Variants in CNTNAP2 observed in about 807,000 individuals in gnomAD.
The protein encoded by CNTNAP2 is contactin-associated protein-like 2.
In CNTNAP2, 98 loss-of-function variants were observed where a neutral mutation model predicts 155.2. The observed-to-expected ratio is 0.63, with a 90% confidence interval of 0.54 to 0.75. CNTNAP2 has a LOEUF of 0.75. Among genes scored for constraint, CNTNAP2 ranks in the 30% least tolerant of loss-of-function variants. The pLI is 0.00. For missense variants in CNTNAP2, 1,727 were observed against 1,688.1 expected, an observed-to-expected ratio of 1.02 and a Z score of -0.40; for synonymous variants, 651 against 631.2, an observed-to-expected ratio of 1.03 and a Z score of -0.47.
chr7:147,463,385 T>A (rs1798058765), intron 10 of CNTNAP2, among the ~76,000 whole-genome samples: 1 of 152,234 alleles, frequency 6.6e-6, no homozygotes, highest in African/African-American at 2.4e-5. Flanking sequence ...TTCCTTAAAC[T>A]GTTTTCTTCA....
At chr7:146,160,132 A>G (rs2140951) in intron 1 of CNTNAP2, among the ~76,000 whole-genome samples, 2 of 152,160 alleles carry the variant, frequency 1.3e-5, no homozygotes, top group Non-Finnish European at 2.9e-5. Flanking sequence ...TAAAGATGTT[A>G]TTTGAAACCA....
intron 1 of CNTNAP2, among the ~76,000 whole-genome samples, chr7:146,377,637 T>C (rs1035326800): frequency 6.6e-6 from 1 of 152,168 alleles, no homozygotes; most frequent in African/African-American, 2.4e-5. Context: ...TGATCAACTT[T>C]TTATCTTGCC....
At chr7:146,753,142 C>T (rs1413655339) in intron 1 of CNTNAP2, among the ~76,000 whole-genome samples, 1 of 151,984 alleles carries the variant, frequency 6.6e-6, no homozygotes, top group East Asian at 1.9e-4. Flanking sequence ...ATATTTAGGG[C>T]ATTGTTATGC....
intron 16 of CNTNAP2, among the ~76,000 whole-genome samples, chr7:148,140,913 A>G (rs545502933): frequency 5.3e-5 from 8 of 152,378 alleles, no homozygotes; most frequent in African/African-American, 1.7e-4. Context: ...TAAATTCTCT[A>G]TTACACAGTT....
intron 3 of CNTNAP2, among the ~76,000 whole-genome samples, chr7:147,000,836 T>G (rs1179471147): frequency 6.6e-6 from 1 of 152,144 alleles, no homozygotes; most frequent in Non-Finnish European, 1.5e-5. Flanking sequence ...GGTAGGTTAT[T>G]TAGAATCCAA....
At chr7:148,310,710 G>A (rs191114239) in intron 21 of CNTNAP2, among the ~76,000 whole-genome samples, 3 of 152,238 alleles carry the variant, frequency 2.0e-5, no homozygotes, top group East Asian at 3.9e-4. Context: ...ATCCACAGAC[G>A]AAGAGACCTT....
At chr7:146,513,467 T>C (rs2129135949) in intron 1 of CNTNAP2, among the ~76,000 whole-genome samples, 1 of 152,028 alleles carries the variant, frequency 6.6e-6, no homozygotes, top group East Asian at 1.9e-4. Flanking sequence ...GTGTCTCTTA[T>C]ACCATGAAGC....
At chr7:147,098,116 C>T (rs943474408) in intron 4 of CNTNAP2, among the ~76,000 whole-genome samples, 2 of 152,140 alleles carry the variant, frequency 1.3e-5, no homozygotes, top group African/African-American at 2.4e-5. Flanking sequence ...TCGTTTGAGG[C>T]TGGGTCTTTG....
At chr7:148,284,168 C>G (rs1402639939) in intron 21 of CNTNAP2, among the ~76,000 whole-genome samples, 1 of 152,204 alleles carries the variant, frequency 6.6e-6, no homozygotes, top group Non-Finnish European at 1.5e-5. Context: ...TGGAGCGTTA[C>G]AGTTTGGCTG....
At chr7:148,297,475 AT>A in intron 21 of CNTNAP2, among the ~76,000 whole-genome samples, 1 of 152,148 alleles carries the variant, frequency 6.6e-6, no homozygotes, top group African/African-American at 2.4e-5. Context: ...TTCTTCACTC[AT>A]TGCATCATGG....
At chr7:146,415,307 T>G (rs1795923375) in intron 1 of CNTNAP2, among the ~76,000 whole-genome samples, 1 of 152,122 alleles carries the variant, frequency 6.6e-6, no homozygotes, top group Non-Finnish European at 1.5e-5. Context: ...AATGAATACT[T>G]TTTATTTGTG....
At chr7:146,984,149 A>G (rs963746358) in intron 3 of CNTNAP2, among the ~76,000 whole-genome samples, 2 of 151,850 alleles carry the variant, frequency 1.3e-5, no homozygotes, top group African/African-American at 4.8e-5. Context: ...GGGTGGCTCA[A>G]CTGAGGTCGG....
chr7:146,382,047 A>G (rs1795397491), intron 1 of CNTNAP2, among the ~76,000 whole-genome samples: 1 of 152,220 alleles, frequency 6.6e-6, no homozygotes, highest in South Asian at 2.1e-4. Context: ...TTTTGGTAGC[A>G]TTAAAGAAAG....
chr7:146,959,089 G>A (rs868323552), intron 3 of CNTNAP2, among the ~76,000 whole-genome samples: 6 of 151,336 alleles, frequency 4.0e-5, no homozygotes, highest in Non-Finnish European at 8.8e-5. Flanking sequence ...GCGCCATCTC[G>A]GCTCACTGCA....
rs547909515 is a variant in CNTNAP2, at chr7:146,655,365, G to A, written c.98-118906G>A. Among the ~76,000 whole-genome samples the A allele has an allele frequency of 9.8e-5, 13 of 133,186 alleles. No homozygotes were observed. In the South Asian group the frequency reaches 1.2e-3, roughly 12 times the overall value. The allele number at this position is 133,186 out of a possible 152,430, so 87.4% of individuals were successfully genotyped here. A position where few individuals can be genotyped will look rare whatever the true frequency, so the allele number is the denominator to read the frequency against. ...GGAGACAGAGGTTGCAGTGAGTCGC[G>A]ATGGCACCACTGCACTCCAGCCTTG... On this transcript the variant is annotated intron_variant, in intron 1 of 23. Coordinates refer to ENST00000361727, the MANE Select transcript of CNTNAP2 (RefSeq NM_014141.6).
chr7:147,825,152 C>G (rs10279874), intron 13 of CNTNAP2, among the ~76,000 whole-genome samples: 5,661 of 152,134 alleles, frequency 0.037, 349 homozygotes, highest in African/African-American at 0.13. Context: ...TCCTTTGAAA[C>G]AAAAATAATT....
chr7:147,848,660 A>G (rs988820242), intron 13 of CNTNAP2, among the ~76,000 whole-genome samples: 1 of 152,130 alleles, frequency 6.6e-6, no homozygotes, highest in African/African-American at 2.4e-5. Context: ...TCTGCTAAGA[A>G]TTTGGCCTGT....
chr7:147,204,953 T>C (rs1333795642), intron 8 of CNTNAP2, among the ~76,000 whole-genome samples: 1 of 152,194 alleles, frequency 6.6e-6, no homozygotes, highest in Non-Finnish European at 1.5e-5. Context: ...GGTGGATTTA[T>C]ATCTGGGTGC....
chr7:148,217,249 C>T (rs370033137), intron 18 of CNTNAP2, 39 bp from the exon 19 acceptor site: 44 of 1,604,894 alleles, frequency 2.7e-5, no homozygotes, highest in Middle Eastern at 1.6e-4. Context: ...GGCATCAGAC[C>T]TCTCCTCATT....
Sources: allele counts gnomAD v4.1 joint callset (sites outside exome capture counted in the v4.1 genomes callset), GRCh38; gene constraint gnomAD v4.1.1; transcripts MANE v1.5; gene names NCBI Gene and HGNC (gene_info 2026-07-23, HGNC 2026-07-21).